The following NEK1 variants were observed in gnomAD, a reference collection of about 807,000 sequenced individuals.
NEK1 encodes the protein serine/threonine-protein kinase Nek1.
NEK1 carries 137 observed loss-of-function variants against 182.1 expected under a neutral mutation model. That is an observed-to-expected ratio of 0.75 (90% CI 0.65 to 0.87). The LOEUF is 0.87. Among genes scored for constraint, NEK1 ranks in the 40% least tolerant of loss-of-function variants. The pLI, the probability that NEK1 is intolerant of heterozygous loss-of-function variation, is 0.00. For missense variants in NEK1, 1,391 were observed against 1,494.4 expected, an observed-to-expected ratio of 0.93 and a Z score of 1.14; for synonymous variants, 513 against 492.2, an observed-to-expected ratio of 1.04 and a Z score of -0.56.
Position 169,477,458 on chromosome 4 carries a change from T to C in NEK1, c.2179A>G (p.Met727Val). 1 of 1,607,836 alleles carries C rather than the reference T, an allele frequency of 6.2e-7. No individual in the cohort carries two copies. Among genetic ancestry groups the C allele is most frequent in the East Asian group, 2.2e-5 (1 of 44,652 alleles). ...GAAATAGCATTGTTGGTCTTTTGCATCTCTTCTGAAGTTTCCCGGGTATCA... is the reference window on the plus strand; with the variant it reads ...GAAATAGCATTGTTGGTCTTTTGCACCTCTTCTGAAGTTTCCCGGGTATCA... The part of the protein sequence containing the change: ...LTDTRETSEE[M>V]QKTNNAISSK... The change falls in exon 25 of 36, where the codon ATG becomes GTG. Residue 727 changes from methionine (M) to valine (V), a missense_variant. Physicochemically the swap from Met to Val is conservative, Grantham distance 21. Coordinates refer to ENST00000507142, the MANE Select transcript of NEK1 (RefSeq NM_001199397.3).
intron 29 of NEK1, among the ~76,000 whole-genome samples, chr4:169,428,309 A>G (rs1299991053): frequency 6.9e-6 from 1 of 144,460 alleles, no homozygotes; most frequent in African/African-American, 2.5e-5. Context: ...TGGTGGAAAC[A>G]ACCTACGTGC....
intron 19 of NEK1, among the ~76,000 whole-genome samples, chr4:169,529,148 A>G (rs1458882881): frequency 6.6e-6 from 1 of 152,206 alleles, no homozygotes; most frequent in Middle Eastern, 3.2e-3. Flanking sequence ...TATAAAATGC[A>G]ATACCACTAT....
chr4:169,525,343 G>A lies in NEK1; in HGVS notation c.1665+12466C>T, dbSNP rs58133128. Among the ~76,000 whole-genome samples, 1,219 of 151,932 alleles carry A rather than the reference G, an allele frequency of 8.0e-3. 19 individuals are homozygous for A. Among genetic ancestry groups the A allele is most frequent in the African/African-American group, 0.027 (1,135 of 41,430 alleles). On this transcript the variant is annotated intron_variant, in intron 19 of 35. Transcript: ENST00000507142. The stretch of plus-strand genomic sequence containing the variant: ...GGGGTTTTATCATGTTTGGCCAGGC[G>A]GGTCTCGAACTCCTGACCTCAGGTG...
chr4:169,549,193 C>A (rs1306777762), intron 18 of NEK1, among the ~76,000 whole-genome samples: 1 of 152,170 alleles, frequency 6.6e-6, no homozygotes, highest in African/African-American at 2.4e-5. Context: ...TTCCTAATGG[C>A]TTCCCTTGGC....
chr4:169,393,405 A>T lies in NEK1; in HGVS notation c.*1105T>A, dbSNP rs189305499. ...AACATACTGATAGTGCTGCAAGATA[A>T]GATTTTATTTTTCAAATTACATATT... is the stretch of plus-strand genomic sequence containing the variant. On this transcript the variant is annotated 3_prime_UTR_variant, in exon 36 of 36. Transcript: ENST00000507142. 6.6e-6 allele frequency: 1 copy of T among 152,190 alleles called. No individual in the cohort carries two copies. Among genetic ancestry groups the T allele is most frequent in the African/African-American group, 2.4e-5 (1 of 41,452 alleles). 9.4% of individuals were successfully genotyped at this position (152,190 alleles called of 1,614,324 possible).
At chr4:169,587,303 C>T (rs756976921) in intron 9 of NEK1, among the ~76,000 whole-genome samples, 1 of 151,562 alleles carries the variant, frequency 6.6e-6, no homozygotes, top group South Asian at 2.1e-4. Flanking sequence ...AAGAAAATAG[C>T]AAAATTTATT....
intron 23 of NEK1, among the ~76,000 whole-genome samples, chr4:169,495,331 C>A (rs1751013943): frequency 6.6e-6 from 1 of 150,984 alleles, no homozygotes; most frequent in Non-Finnish European, 1.5e-5. Flanking sequence ...GCAAGCTCCA[C>A]CTCCCGGGTT....
chr4:169,454,056 C>T (rs768076960), intron 27 of NEK1, among the ~76,000 whole-genome samples: 1 of 152,116 alleles, frequency 6.6e-6, no homozygotes, highest in East Asian at 1.9e-4. Context: ...CTTTAACAAA[C>T]CTGACAAAAA....
Position 169,454,354 on chromosome 4 carries a change from T to C in NEK1, c.2587+8889A>G, listed in dbSNP as rs529566800. Among the ~76,000 whole-genome samples, 10 of 152,240 alleles carry C rather than the reference T, an allele frequency of 6.6e-5. No homozygotes were observed. The East Asian group carries it at 1.4e-3, about 21-fold the overall frequency. ...ATGGGATCTAATTAAACTAAAGAGC[T>C]TCTGCATGGCAAAAGAAACTACCAT... On this transcript the variant is annotated intron_variant, in intron 27 of 35. Coordinates refer to ENST00000507142, the MANE Select transcript of NEK1 (RefSeq NM_001199397.3).
At chr4:169,495,072 T>G (rs1052006003) in intron 23 of NEK1, among the ~76,000 whole-genome samples, 3 of 152,144 alleles carry the variant, frequency 2.0e-5, no homozygotes, top group African/African-American at 7.2e-5. Flanking sequence ...TTTCTTTTGC[T>G]GTGCAGAAGC....
At chr4:169,414,104 C>T (rs1014489997) in intron 31 of NEK1, among the ~76,000 whole-genome samples, 20 of 152,254 alleles carry the variant, frequency 1.3e-4, no homozygotes, top group African/African-American at 4.8e-4. Flanking sequence ...ACTATTCATA[C>T]TATTAGCCAG....
chr4:169,419,509 G>C (rs1735109352), intron 31 of NEK1, among the ~76,000 whole-genome samples: 1 of 152,126 alleles, frequency 6.6e-6, no homozygotes, highest in African/African-American at 2.4e-5. Flanking sequence ...TTCTGTAAAA[G>C]ATAAATGAAT....
chr4:169,607,115 A>C (rs1771485100), intron 2 of NEK1, among the ~76,000 whole-genome samples: 1 of 152,258 alleles, frequency 6.6e-6, no homozygotes, highest in Non-Finnish European at 1.5e-5. Context: ...AGGAGGACTG[A>C]AACAGTCTCA....
intron 19 of NEK1, among the ~76,000 whole-genome samples, chr4:169,531,984 G>A (rs1757749234): frequency 6.6e-6 from 1 of 152,144 alleles, no homozygotes; most frequent in Non-Finnish European, 1.5e-5. Flanking sequence ...TAACACTCCA[G>A]TCACAAGAAA....
intron 26 of NEK1, among the ~76,000 whole-genome samples, chr4:169,471,759 A>T (rs1322462096): frequency 6.6e-6 from 1 of 152,016 alleles, no homozygotes; most frequent in Non-Finnish European, 1.5e-5. Flanking sequence ...TGTCCCAGGG[A>T]CATGGGAGTT....
rs368116597 is a variant in NEK1, at chr4:169,536,349, T to C, written c.1665+1460A>G. ...CACATCATAATCAAATTGATTCTAG[T>C]GATAAAGAGAAAAATTTTAAAGTAG... On this transcript the variant is annotated intron_variant, in intron 19 of 35. Coordinates refer to ENST00000507142, the MANE Select transcript of NEK1 (RefSeq NM_001199397.3). 9.3e-4 allele frequency among the ~76,000 whole-genome samples: 138 copies of C among 147,724 alleles called. 1 individual carries two copies. Among genetic ancestry groups the C allele is most frequent in the African/African-American group, 3.2e-3 (127 of 40,048 alleles).
rs1478667288 is a variant in NEK1, at chr4:169,556,079, C to T, written c.1283G>A (p.Ser428Asn). 1 of 1,612,648 alleles carries T rather than the reference C, an allele frequency of 6.2e-7. No individual in the cohort carries two copies. Among genetic ancestry groups the T allele is most frequent in the Admixed American group, 1.7e-5 (1 of 59,748 alleles). The stretch of plus-strand genomic sequence containing the variant: ...AGATGATGGAGCTATAGTCCCTCCA[C>T]TGCCCAGAAAAGGAGCCTAGGGATT... ...SGEVKAPFLG[S>N]GGTIAPSSFS... The change falls in exon 17 of 36, where the codon AGT becomes AAT. Residue 428 changes from serine to asparagine, a missense_variant. By Grantham distance (46) the Ser-to-Asn change is conservative. Around this residue, in one of 5 missense-constraint regions of NEK1, gnomAD observed 1,216 missense variants for 1,277.6 expected, o/e 0.95. Coordinates refer to ENST00000507142, the MANE Select transcript of NEK1 (RefSeq NM_001199397.3).
chr4:169,569,690 C>T (rs1287186063), intron 12 of NEK1, among the ~76,000 whole-genome samples: 1 of 152,130 alleles, frequency 6.6e-6, no homozygotes, highest in African/African-American at 2.4e-5. Flanking sequence ...GACGGGGTTT[C>T]GCTGTGTTGG....
intron 23 of NEK1, among the ~76,000 whole-genome samples, chr4:169,503,092 C>T (rs1752670003): frequency 6.6e-6 from 1 of 152,036 alleles, no homozygotes; most frequent in Admixed American, 6.6e-5. Flanking sequence ...ACCATTCAAG[C>T]TGAGAATGAA....
Sources: gnomAD v4.1 joint callset for allele counts (sites outside exome capture counted in the v4.1 genomes callset) on GRCh38, gnomAD v4.1.1 for gene constraint, gnomAD v4.1.1 regional missense constraint, MANE v1.5 for transcripts, NCBI Gene and HGNC (gene_info 2026-07-23, HGNC 2026-07-21) for gene names.